Variants in ACTR1A observed in about 807,000 individuals in gnomAD.
ACTR1A encodes alpha-centractin.
ACTR1A carries 10 observed loss-of-function variants against 50.7 expected under a neutral mutation model. The ratio of observed to expected loss-of-function variants is 0.20; its 90% CI spans 0.12 to 0.33. The LOEUF (loss-of-function observed/expected upper bound fraction) is 0.33, where lower values mean the gene tolerates loss of function less well. Among genes scored for constraint, ACTR1A ranks in the 10% least tolerant of loss-of-function variants. The probability of loss-of-function intolerance (pLI) is 1.00; values close to 1 mark genes in which losing one functional copy is unlikely to be tolerated. For synonymous variants in ACTR1A, 177 were observed against 184.2 expected (o/e 0.96, Z 0.32); for missense variants, 253 against 491.7 (o/e 0.51, Z 4.59).
intron 1 of ACTR1A, among the ~76,000 whole-genome samples, chr10:102,492,553 T>C (rs2062199663): frequency 6.6e-6 from 1 of 152,172 alleles, no homozygotes; most frequent in South Asian, 2.1e-4. Flanking sequence ...CTGGAGACTC[T>C]AAGTAGCCAA....
intron 1 of ACTR1A, among the ~76,000 whole-genome samples, chr10:102,493,254 G>A (rs2062204147): frequency 6.6e-6 from 1 of 152,142 alleles, no homozygotes; most frequent in African/African-American, 2.4e-5. Flanking sequence ...CTGAGAGCAA[G>A]GCACGGACAG....
intron 1 of ACTR1A, among the ~76,000 whole-genome samples, chr10:102,497,929 C>A (rs370660836): frequency 7.5e-3 from 832 of 110,648 alleles, no homozygotes; most frequent in East Asian, 8.8e-3. Context: ...CCCATTTCTA[C>A]AAAAAAAAAA....
chr10:102,489,984 C>G (rs542346729), intron 2 of ACTR1A, among the ~76,000 whole-genome samples: 18 of 152,110 alleles, frequency 1.2e-4, no homozygotes, highest in African/African-American at 4.3e-4. Flanking sequence ...GGCTGTAATC[C>G]CAGCACTTTG....
chr10:102,483,214 C>T, intron 6 of ACTR1A, 111 bp from the exon 7 acceptor site: 2 of 839,042 alleles, frequency 2.4e-6, no homozygotes, highest in Non-Finnish European at 4.1e-6. Context: ...GTTGTGATGG[C>T]CCCAATGGTC....
In ACTR1A at chr10:102,482,940, T is replaced by C. The variant is rs2062150892; in HGVS notation, c.750+71A>G. 3.9e-6 allele frequency: 5 copies of C among 1,275,704 alleles called. No individual in the cohort carries two copies. In the East Asian group the frequency reaches 9.2e-5, roughly 24 times the overall value. 79.0% of individuals were successfully genotyped at this position (1,275,704 alleles called of 1,614,324 possible). ...TGGCCTGCCAGACTCCAGACCCTGATGGAGAATTCTGGTTGGGCCCAGAGC... is the reference window on the plus strand; with the variant it reads ...TGGCCTGCCAGACTCCAGACCCTGACGGAGAATTCTGGTTGGGCCCAGAGC... On this transcript the variant is annotated intron_variant, in intron 7 of 10. Transcript: ENST00000369905. The surrounding 1 kb of genome is among the most constrained non-coding windows in gnomAD (Gnocchi z 5.6).
intron 6 of ACTR1A, 24 bp downstream of exon 6, chr10:102,484,136 C>G: frequency 6.2e-7 from 1 of 1,611,362 alleles, no homozygotes; most frequent in Non-Finnish European, 8.5e-7. Context: ...CACTCCATCC[C>G]TAGGCCCAGG....
At chr10:102,487,891 A>G (rs1176162504) in intron 4 of ACTR1A, among the ~76,000 whole-genome samples, 1 of 152,110 alleles carries the variant, frequency 6.6e-6, no homozygotes, top group Non-Finnish European at 1.5e-5. Flanking sequence ...TCGGCCTCCC[A>G]AAGTGCTGGG....
chr10:102,496,955 G>A (rs766930735), intron 1 of ACTR1A, among the ~76,000 whole-genome samples: 6 of 152,108 alleles, frequency 3.9e-5, no homozygotes, highest in Admixed American at 2.0e-4. Flanking sequence ...GAGGCGGGTG[G>A]ATCCTTTGAG....
At chr10:102,494,402 C>G (rs752153167) in intron 1 of ACTR1A, among the ~76,000 whole-genome samples, 1 of 152,068 alleles carries the variant, frequency 6.6e-6, no homozygotes, top group Non-Finnish European at 1.5e-5. Context: ...GGAGGCTGAG[C>G]TAGGAAGACT....
intron 1 of ACTR1A, among the ~76,000 whole-genome samples, chr10:102,498,326 T>C (rs80288225): frequency 0.076 from 7,814 of 102,928 alleles, 672 homozygotes; most frequent in African/African-American, 0.24. Context: ...CTCTCTCTCT[T>C]TTTTTTTTTT....
At chr10:102,489,159 G>T in intron 2 of ACTR1A, 21 bp from the exon 3 acceptor site, 2 of 1,525,878 alleles carry the variant, frequency 1.3e-6, no homozygotes, top group South Asian at 2.5e-5. Flanking sequence ...CAGTGAGGAG[G>T]ACCATCATTT....
intron 1 of ACTR1A, among the ~76,000 whole-genome samples, chr10:102,497,619 A>C (rs2062228449): frequency 6.7e-6 from 1 of 150,310 alleles, no homozygotes; most frequent in Non-Finnish European, 1.5e-5. Flanking sequence ...AATAATTAAA[A>C]ATTAAAAAAA....
chr10:102,484,472 G>A, intron 5 of ACTR1A, 96 bp from the exon 6 acceptor site: 1 of 1,075,082 alleles, frequency 9.3e-7, no homozygotes, highest in South Asian at 1.4e-5. Context: ...CTAAACTAAA[G>A]CTTGGGCCTG....
In ACTR1A at chr10:102,482,884, C is replaced by T; in HGVS notation, c.750+127G>A. 2.6e-6 allele frequency: 2 copies of T among 762,096 alleles called. No homozygotes were observed. Among genetic ancestry groups the T allele is most frequent in the Non-Finnish European group, 4.6e-6 (2 of 439,244 alleles). 47.2% of individuals were successfully genotyped at this position (762,096 alleles called of 1,614,324 possible). On this transcript the variant is annotated intron_variant, in intron 7 of 10. Transcript: ENST00000369905. The surrounding 1 kb of genome is among the most constrained non-coding windows in gnomAD (Gnocchi z 5.6). ...CCTGGGCCACGTGCAGCCCATGGGC[C>T]AGGGGTTGGACAAGCTTGGTGTAAA...
chr10:102,484,461 GCTAAA>G, intron 5 of ACTR1A, 85 bp from the exon 6 acceptor site: 1 of 1,217,738 alleles, frequency 8.2e-7, no homozygotes, highest in Non-Finnish European at 1.2e-6. Flanking sequence ...TTCAATGTCA[GCTAAA>G]CTAAAGCTTG....
chr10:102,502,317 ATC>A (rs1162401517), intron 1 of ACTR1A, among the ~76,000 whole-genome samples: 1 of 152,230 alleles, frequency 6.6e-6, no homozygotes, highest in Non-Finnish European at 1.5e-5. Flanking sequence ...GGCGACGGGA[ATC>A]TCACACAGCG....
chr10:102,485,433 T>G (rs943141679), intron 5 of ACTR1A, among the ~76,000 whole-genome samples, 176 bp downstream of exon 5: 1 of 152,236 alleles, frequency 6.6e-6, no homozygotes, highest in African/African-American at 2.4e-5. Context: ...TGCTTTCAAC[T>G]ACGAAGCCTC....
At chr10:102,491,651 C>G (rs1373494558) in intron 1 of ACTR1A, among the ~76,000 whole-genome samples, 1 of 152,144 alleles carries the variant, frequency 6.6e-6, no homozygotes, top group African/African-American at 2.4e-5. Flanking sequence ...CTGAGTTCTC[C>G]CAGCATCTCA....
Position 102,480,809 on chromosome 10 carries a change from G to T in ACTR1A, c.*54C>A, listed in dbSNP as rs539425926. On this transcript the variant is annotated 3_prime_UTR_variant, in exon 11 of 11. Coordinates refer to ENST00000369905, the MANE Select transcript of ACTR1A (RefSeq NM_005736.4). The stretch of plus-strand genomic sequence containing the variant: ...CTCGCAAACACTCCGACTCAAGAAA[G>T]CGAGTTTTAAAGTGGAGTTAACTTC... 3.9e-5 allele frequency: 56 copies of T among 1,428,706 alleles called. No individual in the cohort carries two copies. In the South Asian group the frequency reaches 6.1e-4, roughly 15 times the overall value. The allele number at this position is 1,428,706 out of a possible 1,614,324, so 88.5% of individuals were successfully genotyped here. A position where few individuals can be genotyped will look rare whatever the true frequency, so the allele number is the denominator to read the frequency against.
Sources: allele counts gnomAD v4.1 joint callset (sites outside exome capture counted in the v4.1 genomes callset), GRCh38; gene constraint gnomAD v4.1.1; non-coding constraint Gnocchi (gnomAD v3.1); transcripts MANE v1.5; gene names NCBI Gene and HGNC (gene_info 2026-07-23, HGNC 2026-07-21).